FRRS1L: variants seen among roughly 807,000 people sequenced by gnomAD.
FRRS1L encodes the protein DOMON domain-containing protein FRRS1L.
In FRRS1L, 22 loss-of-function variants were observed where a neutral mutation model predicts 28.6. That is an observed-to-expected ratio of 0.77 (90% confidence interval 0.55 to 1.10). The LOEUF (loss-of-function observed/expected upper bound fraction) is 1.10, where lower values mean the gene tolerates loss of function less well. Among genes scored for constraint, FRRS1L ranks in the 50% least tolerant of loss-of-function variants. FRRS1L has a pLI of 0.00. For synonymous variants in FRRS1L, 158 were observed against 151.4 expected, an observed-to-expected ratio of 1.04 and a Z score of -0.32; for missense variants, 380 against 386.9, an observed-to-expected ratio of 0.98 and a Z score of 0.15.
chr9:109,154,709 C>A (rs535537693), intron 1 of FRRS1L, among the ~76,000 whole-genome samples: 1 of 152,298 alleles, frequency 6.6e-6, no homozygotes, highest in East Asian at 1.9e-4. Flanking sequence ...ACCTTAGACA[C>A]GAGGTCCAGC....
chr9:109,148,341 T>A (rs568161989), intron 2 of FRRS1L: 1 of 152,146 alleles, frequency 6.6e-6, no homozygotes, highest in African/African-American at 2.4e-5. Flanking sequence ...CACTAAAACA[T>A]ACAACAATAT....
rs145228486 is a variant in FRRS1L at position 109,142,818 on chromosome 9, AT to A, written c.463-1230del. 1.9e-3 allele frequency among the ~76,000 whole-genome samples: 160 copies of A among 85,452 alleles called. 1 individual carries two copies. The highest frequency in any genetic ancestry group is 5.2e-3 in the African/African-American group (154 of 29,492). The allele number at this position is 85,452 out of a possible 152,430, so 56.1% of individuals were successfully genotyped here. On this transcript the variant is annotated intron_variant, in intron 3 of 4. Transcript: ENST00000561981. ...TGAGACCCTGTCTCAAAAAATAAAA[AT>A]AAAAAAAAAAATACACAACAACAAA...
chr9:109,165,496 CA>C (rs568361228), intron 1 of FRRS1L, among the ~76,000 whole-genome samples: 8 of 152,194 alleles, frequency 5.3e-5, no homozygotes, highest in Non-Finnish European at 1.0e-4. Context: ...CCAGACCAAC[CA>C]GACTCTTATC....
rs1356483322 is a variant in FRRS1L, at chr9:109,133,787, G to A, written c.*3668C>T. On this transcript the variant is annotated 3_prime_UTR_variant, in exon 5 of 5. Transcript: ENST00000561981. Reference sequence around the variant, plus strand: ...TTATTAATCTATTCAGGTACTTTACGAAAAACACTGGTTGGGCATCTCCTC... The same window carrying A: ...TTATTAATCTATTCAGGTACTTTACAAAAAACACTGGTTGGGCATCTCCTC... The A allele has an allele frequency of 1.3e-5, 2 of 152,144 alleles. No homozygotes were observed. Among genetic ancestry groups the A allele is most frequent in the South Asian group, 2.1e-4 (1 of 4,828 alleles). The allele number at this position is 152,144 out of a possible 1,614,324, so 9.4% of individuals were successfully genotyped here. A position where few individuals can be genotyped will look rare whatever the true frequency, so the allele number is the denominator to read the frequency against.
At chr9:109,145,728 C>A (rs550515736) in intron 3 of FRRS1L, among the ~76,000 whole-genome samples, 11 of 150,514 alleles carry the variant, frequency 7.3e-5, no homozygotes, top group South Asian at 2.1e-4. Context: ...ATAAAAAAAA[C>A]CCAAAAGGAC....
chr9:109,165,384 C>T lies in FRRS1L; in HGVS notation c.238+1517G>A, dbSNP rs1449873107. 2.0e-5 allele frequency among the ~76,000 whole-genome samples: 3 copies of T among 152,200 alleles called. No homozygotes were observed. In the East Asian group the frequency reaches 5.8e-4, roughly 29 times the overall value. ...ACAAGGACATGCAACCTGGCTTCTA[C>T]TGTACTGATGAGGACAAAGCCTCAG... On this transcript the variant is annotated intron_variant, in intron 1 of 4. Transcript: ENST00000561981.
At chr9:109,153,124 T>C (rs1016862860) in intron 1 of FRRS1L, among the ~76,000 whole-genome samples, 15 of 152,184 alleles carry the variant, frequency 9.9e-5, no homozygotes, top group Admixed American at 9.8e-4. Flanking sequence ...CTCTAAAACC[T>C]TGGAATTTCC....
At chr9:109,152,802 TCAAAAAAAAAAAAAAAAAAAA>T in intron 1 of FRRS1L, among the ~76,000 whole-genome samples, 1 of 17,106 alleles carries the variant, frequency 5.8e-5, no homozygotes, top group African/African-American at 3.2e-4. Context: ...AGACTCCATC[TCAAAAAAAAAAAAAAAAAAAA>T]AAAAAAAAAA....
intron 3 of FRRS1L, among the ~76,000 whole-genome samples, chr9:109,146,603 G>A (rs1316137923): frequency 6.6e-6 from 1 of 152,118 alleles, no homozygotes; most frequent in Non-Finnish European, 1.5e-5. Context: ...CCTCTTATAA[G>A]TGGTTCTTTC....
At chr9:109,151,879 C>A (rs1831334267) in intron 1 of FRRS1L, 1 of 152,282 alleles carries the variant, frequency 6.6e-6, no homozygotes, top group African/African-American at 2.4e-5. Flanking sequence ...CTTCATATAT[C>A]TTCTTCCTGT....
chr9:109,155,462 C>G (rs187356149), intron 1 of FRRS1L, among the ~76,000 whole-genome samples: 32 of 152,136 alleles, frequency 2.1e-4, no homozygotes, highest in African/African-American at 7.2e-4. Flanking sequence ...GCCTGTAATC[C>G]CAGCACTTTA....
intron 3 of FRRS1L, among the ~76,000 whole-genome samples, chr9:109,142,685 T>C (rs973135389): frequency 8.5e-5 from 13 of 152,100 alleles, no homozygotes; most frequent in African/African-American, 3.1e-4. Flanking sequence ...ATGGGGCTCA[T>C]GCCTGTAGTC....
At chr9:109,164,374 T>C (rs2118517287) in intron 1 of FRRS1L, among the ~76,000 whole-genome samples, 1 of 150,806 alleles carries the variant, frequency 6.6e-6, no homozygotes, top group Non-Finnish European at 1.5e-5. Flanking sequence ...AGCAGTTGAA[T>C]ATTCATTCAG....
rs566783717 is a variant in FRRS1L, at chr9:109,133,670, T to C, written c.*3785A>G. On this transcript the variant is annotated 3_prime_UTR_variant, in exon 5 of 5. Transcript: ENST00000561981. ...TTCATCTGTAAAATTGGATAAATAA[T>C]AGAATCTACTTCCTATGGTTGCGGT... The C allele has an allele frequency of 6.6e-6, 1 of 152,370 alleles. No individual in the cohort carries two copies. Among genetic ancestry groups the C allele is most frequent in the Admixed American group, 6.5e-5 (1 of 15,310 alleles). The allele number at this position is 152,370 out of a possible 1,614,324, so 9.4% of individuals were successfully genotyped here.
intron 1 of FRRS1L, chr9:109,150,558 A>G (rs1314559929): frequency 6.6e-6 from 1 of 152,198 alleles, no homozygotes; most frequent in Non-Finnish European, 1.5e-5. Flanking sequence ...ACAGTTGTCT[A>G]TCTTTCTTAT....
chr9:109,152,194 G>A (rs1392189385), intron 1 of FRRS1L: 1 of 151,920 alleles, frequency 6.6e-6, no homozygotes, highest in Non-Finnish European at 1.5e-5. Context: ...CTGTTGCCCA[G>A]GCTGGAGTGA....
rs1021511049 is a variant in FRRS1L, at chr9:109,141,244, C to A, written c.709+99G>T. On this transcript the variant is annotated intron_variant, in intron 4 of 4. Coordinates refer to ENST00000561981, the MANE Select transcript of FRRS1L (RefSeq NM_014334.4). The stretch of plus-strand genomic sequence containing the variant: ...CTTTTCCTTTAAATGATCCAGAGTG[C>A]TTATCGCTCTCTTGTGCACACAGTG... The A allele has an allele frequency of 3.7e-6, 5 of 1,342,816 alleles. No individual in the cohort carries two copies. The African/African-American group carries it at 7.2e-5, about 19-fold the overall frequency. The allele number at this position is 1,342,816 out of a possible 1,614,324, so 83.2% of individuals were successfully genotyped here. A position where few individuals can be genotyped will look rare whatever the true frequency, so the allele number is the denominator to read the frequency against.
intron 1 of FRRS1L, among the ~76,000 whole-genome samples, chr9:109,157,561 A>AT (rs1171600717): frequency 3.3e-5 from 5 of 151,844 alleles, no homozygotes; most frequent in Non-Finnish European, 5.9e-5. Context: ...TAATTTTTAA[A>AT]TTTTTTTGTA....
At chr9:109,163,449 C>G (rs1375696869) in intron 1 of FRRS1L, among the ~76,000 whole-genome samples, 2 of 152,168 alleles carry the variant, frequency 1.3e-5, no homozygotes, top group East Asian at 3.9e-4. Flanking sequence ...TAGGCTTAGA[C>G]AGTGGGACCC....
Sources: gnomAD v4.1 joint callset for allele counts (sites outside exome capture counted in the v4.1 genomes callset) on GRCh38, gnomAD v4.1.1 for gene constraint, MANE v1.5 for transcripts, NCBI Gene and HGNC (gene_info 2026-07-23, HGNC 2026-07-21) for gene names.